Variants in UPK1B observed in about 807,000 individuals in gnomAD.
The protein encoded by UPK1B is uroplakin 1B, also known as uroplakin-1b.
In UPK1B, 28 loss-of-function variants were observed where a neutral mutation model predicts 34.2. The observed-to-expected ratio is 0.82, with a 90% CI of 0.61 to 1.12. UPK1B has a LOEUF of 1.12. Among genes scored for constraint, UPK1B ranks in the 50% most tolerant of loss-of-function variants. UPK1B has a pLI of 0.00. For synonymous variants in UPK1B, 81 were observed against 110.4 expected (o/e 0.73, Z 1.67); for missense variants, 325 against 320.9 (o/e 1.01, Z -0.10).
chr3:119,175,026 T>C (rs1576864007), intron 1 of UPK1B, among the ~76,000 whole-genome samples: 1 of 67,526 alleles, frequency 1.5e-5, no homozygotes, highest in South Asian at 6.0e-4. Context: ...TTTTTTTTTT[T>C]TTTTTTTTTT....
At chr3:119,182,168 T>C (rs1314058320) in intron 1 of UPK1B, among the ~76,000 whole-genome samples, 3 of 152,306 alleles carry the variant, frequency 2.0e-5, no homozygotes, top group East Asian at 1.9e-4. Flanking sequence ...TTTTCTCTCA[T>C]GAATTCATCT....
chr3:119,192,839 C>G (rs1341074776), intron 5 of UPK1B, among the ~76,000 whole-genome samples: 2 of 152,168 alleles, frequency 1.3e-5, no homozygotes, highest in Non-Finnish European at 2.9e-5. Flanking sequence ...CTTAAATTGT[C>G]TATCTTATAA....
rs374721069 is a variant in UPK1B, at chr3:119,175,012, C to CTTTTTTTTTTTTTTTTTTTTT, written c.-29+1389_-29+1409dup. 7.1e-4 allele frequency among the ~76,000 whole-genome samples: 48 copies of CTTTTTTTTTTTTTTTTTTTTT among 67,450 alleles called. 1 individual carries two copies. The highest frequency in any genetic ancestry group is 1.0e-3 in the Non-Finnish European group (40 of 38,100). 44.2% of individuals were successfully genotyped at this position (67,450 alleles called of 152,430 possible). ...CAGAACTTTTTTTTTCTTTTATTTT[C>CTTTTTTTTTTTTTTTTTTTTT]TTTTTTTTTTTTTTTTTTTTTTTTT... On this transcript the variant is annotated intron_variant, in intron 1 of 7. Coordinates refer to ENST00000264234, the MANE Select transcript of UPK1B (RefSeq NM_006952.4).
At chr3:119,200,767 A>T (rs1348984149) in intron 7 of UPK1B, among the ~76,000 whole-genome samples, 1 of 152,250 alleles carries the variant, frequency 6.6e-6, no homozygotes, top group South Asian at 2.1e-4. Flanking sequence ...CTCACTTTGT[A>T]AATTTTCAAG....
chr3:119,203,893 T>A, intron 7 of UPK1B, 24 bp from the exon 8 acceptor site: 1 of 1,612,294 alleles, frequency 6.2e-7, no homozygotes, highest in Middle Eastern at 1.7e-4. Flanking sequence ...CTTGTTTATT[T>A]TTCCTTGTTT....
At position 119,199,048 on chromosome 3, in the gene UPK1B, C is replaced by A; in HGVS notation, c.649-9C>A. 3.1e-6 allele frequency: 5 copies of A among 1,614,048 alleles called. No individual in the cohort carries two copies. The highest frequency in any genetic ancestry group is 4.2e-6 in the Non-Finnish European group (5 of 1,179,968). On this transcript the variant is annotated splice_polypyrimidine_tract_variant and intron_variant, in intron 6 of 7. Coordinates refer to ENST00000264234, the MANE Select transcript of UPK1B (RefSeq NM_006952.4). ...TCTCACACTAATGTGGAATTGCCCA[C>A]TCCTTCAGGGCTGCTATGAACTGAT... is the stretch of plus-strand genomic sequence containing the variant.
chr3:119,175,782 G>A (rs1363595597), intron 1 of UPK1B, among the ~76,000 whole-genome samples: 3 of 152,216 alleles, frequency 2.0e-5, no homozygotes, highest in South Asian at 4.1e-4. Context: ...CTAACCACAT[G>A]TATCTAGGGA....
At chr3:119,186,442 G>A (rs553545631) in intron 1 of UPK1B, among the ~76,000 whole-genome samples, 7 of 152,260 alleles carry the variant, frequency 4.6e-5, no homozygotes, top group Middle Eastern at 6.8e-3. Context: ...TCCACCTTGC[G>A]GGGCTCAGTC....
chr3:119,188,172 G>A (rs2078028053), intron 3 of UPK1B, among the ~76,000 whole-genome samples, 197 bp downstream of exon 3: 1 of 152,098 alleles, frequency 6.6e-6, no homozygotes, highest in Admixed American at 6.6e-5. Flanking sequence ...AGCCCAGAAG[G>A]CTCCAGTACA....
intron 6 of UPK1B, 104 bp downstream of exon 6, chr3:119,194,502 A>C: frequency 1.8e-6 from 2 of 1,130,278 alleles, no homozygotes; most frequent in South Asian, 3.5e-5. Context: ...GGAATTCTAC[A>C]TTCTTTTCCC....
At chr3:119,176,630 G>A (rs1317835458) in intron 1 of UPK1B, among the ~76,000 whole-genome samples, 1 of 152,174 alleles carries the variant, frequency 6.6e-6, no homozygotes, top group African/African-American at 2.4e-5. Flanking sequence ...ATATTTCGAG[G>A]TGAGTTGCGT....
chr3:119,179,352 G>GATAGATATATATATATAT (rs2077974672), intron 1 of UPK1B, among the ~76,000 whole-genome samples: 1 of 46,890 alleles, frequency 2.1e-5, no homozygotes, highest in African/African-American at 6.1e-5. Context: ...GAGAGAGGGA[G>GATAGATATATATATATAT]ATATATATAT....
intron 1 of UPK1B, among the ~76,000 whole-genome samples, chr3:119,179,394 TATATTAA>T (rs1456770993): frequency 1.5e-4 from 14 of 91,068 alleles, no homozygotes; most frequent in African/African-American, 6.8e-4. Context: ...TATATATATA[TATATTAA>T]TTCTAAGGAA....
intron 1 of UPK1B, among the ~76,000 whole-genome samples, chr3:119,182,998 G>T (rs2077995986): frequency 6.6e-6 from 1 of 152,202 alleles, no homozygotes; most frequent in African/African-American, 2.4e-5. Flanking sequence ...GGGCTAAAGA[G>T]ACAAGAAGCT....
chr3:119,201,044 AT>A (rs903918942), intron 7 of UPK1B, among the ~76,000 whole-genome samples: 61 of 147,978 alleles, frequency 4.1e-4, no homozygotes, highest in South Asian at 8.5e-4. Flanking sequence ...GGCTTTTTAA[AT>A]TTTTTTTTTT....
intron 1 of UPK1B, among the ~76,000 whole-genome samples, chr3:119,180,023 A>T (rs890156116): frequency 3.3e-5 from 5 of 151,322 alleles, no homozygotes; most frequent in Non-Finnish European, 7.4e-5. Context: ...GTCTCGAACT[A>T]CCAACCTCAG....
chr3:119,194,317 A>G lies in UPK1B; in HGVS notation c.567A>G (p.Gln189=), dbSNP rs146490701. The G allele has an allele frequency of 1.7e-5, 27 of 1,614,060 alleles. No individual in the cohort carries two copies. In the African/African-American group the frequency reaches 3.1e-4, roughly 18 times the overall value. ...ATGCTGACTATCCCTGGCCTCGTCA[A>G]TGCTGTGTTATGAACAATCTTAAAG... The part of the protein sequence containing the change: ...NNDADYPWPR[Q]CCVMNNLKEP... Residue 189 remains glutamine (Q), a synonymous_variant, in exon 6 of 8, where the codon CAA becomes CAG. Transcript: ENST00000264234.
Position 119,195,178 on chromosome 3 carries a change from T to A in UPK1B, c.648+780T>A, listed in dbSNP as rs185406222. On this transcript the variant is annotated intron_variant, in intron 6 of 7. Transcript: ENST00000264234. ...TCTCTGGCTTTTGAAACATGAGTTT[T>A]CTGCCTTCAAGCACAGACTCTAAGC... Among the ~76,000 whole-genome samples, 24 of 152,268 alleles carry A rather than the reference T, an allele frequency of 1.6e-4. 1 individual carries two copies. Among genetic ancestry groups the A allele is most frequent in the Admixed American group, 1.6e-3 (24 of 15,308 alleles).
chr3:119,199,105 G>A lies in UPK1B; in HGVS notation c.697G>A (p.Val233Ile), dbSNP rs1292844158. Residue 233 changes from valine (V) to isoleucine (I), a missense_variant, in exon 7 of 8, where the codon GTT becomes ATT. Val to Ile is a conservative substitution (Grantham distance 29). Transcript: ENST00000264234. ...SGPMNRHAWG[V>I]AWFGFAILCW... is the part of the protein sequence containing the mutation. The stretch of plus-strand genomic sequence containing the variant: ...TCCAATGAACCGACACGCCTGGGGG[G>A]TTGCCTGGTTTGGATTTGCCATTCT... The A allele has an allele frequency of 2.5e-6, 4 of 1,614,106 alleles. No homozygotes were observed. The highest frequency in any genetic ancestry group is 2.5e-6 in the Non-Finnish European group (3 of 1,179,958).
Sources: allele counts gnomAD v4.1 joint callset (sites outside exome capture counted in the v4.1 genomes callset), GRCh38; gene constraint gnomAD v4.1.1; transcripts MANE v1.5; gene names NCBI Gene and HGNC (gene_info 2026-07-23, HGNC 2026-07-21).